ME2: variants seen among roughly 807,000 people sequenced by gnomAD.
ME2 encodes the protein NAD-dependent malic enzyme, mitochondrial.
A neutral mutation model predicts 73.7 loss-of-function variants in ME2; 60 were observed. The ratio of observed to expected loss-of-function variants is 0.81; its 90% confidence interval spans 0.66 to 1.01. ME2 has a LOEUF of 1.01. Ranked by LOEUF, ME2 falls within the 50% of genes least tolerant of loss-of-function variation. The pLI is 0.00. For synonymous variants in ME2, 199 were observed against 236.9 expected, an observed-to-expected ratio of 0.84 and a Z score of 1.47; for missense variants, 594 against 705.5, an observed-to-expected ratio of 0.84 and a Z score of 1.79.
intron 1 of ME2, among the ~76,000 whole-genome samples, chr18:50,891,935 G>A (rs1916614588): frequency 6.6e-6 from 1 of 150,862 alleles, no homozygotes; most frequent in Admixed American, 6.6e-5. Flanking sequence ...AACTTAGCTA[G>A]TACCACAGGT....
chr18:50,881,976 C>G (rs1916335285), intron 1 of ME2, among the ~76,000 whole-genome samples: 1 of 152,150 alleles, frequency 6.6e-6, no homozygotes, highest in Non-Finnish European at 1.5e-5. Flanking sequence ...ACAGAGCTAG[C>G]AAATGGCAAA....
rs370224149 is a variant in ME2, at chr18:50,920,442, T to G, written c.735-14T>G. On this transcript the variant is annotated splice_polypyrimidine_tract_variant and intron_variant, in intron 7 of 15. Coordinates refer to ENST00000321341, the MANE Select transcript of ME2 (RefSeq NM_002396.5). ...TATTTTCAACACAACTATTGTGGGT[T>G]TTGCTGTTTTTAGATATGGCCGGAA... 95 of 1,543,616 alleles carry G rather than the reference T, an allele frequency of 6.2e-5. No individual in the cohort carries two copies. The African/African-American group carries it at 9.7e-4, about 16-fold the overall frequency.
rs1199518362 is a variant in ME2, at chr18:50,952,755, G to A, written c.*5571G>A. On this transcript the variant is annotated 3_prime_UTR_variant, in exon 16 of 16. Transcript: ENST00000321341. ...TAAGTATATATTCAAGCAAATCGTT[G>A]ATTCCTATACAGCCATTGGATTATC... is the stretch of plus-strand genomic sequence containing the variant. 6.6e-6 allele frequency: 1 copy of A among 152,138 alleles called. No homozygotes were observed. The highest frequency in any genetic ancestry group is 1.5e-5 in the Non-Finnish European group (1 of 68,022). The allele number at this position is 152,138 out of a possible 1,614,324, so 9.4% of individuals were successfully genotyped here.
At chr18:50,902,330 A>C (rs1190659294) in intron 2 of ME2, among the ~76,000 whole-genome samples, 1 of 152,178 alleles carries the variant, frequency 6.6e-6, no homozygotes, top group African/African-American at 2.4e-5. Flanking sequence ...ATAAATTTAG[A>C]ATTTTCTTCT....
At chr18:50,912,353 A>C (rs1917176601) in intron 3 of ME2, among the ~76,000 whole-genome samples, 2 of 152,182 alleles carry the variant, frequency 1.3e-5, no homozygotes. Context: ...AACTCCTTGA[A>C]AATAGAGGTA....
At chr18:50,943,326 G>A (rs62095107) in intron 15 of ME2, among the ~76,000 whole-genome samples, 3,087 of 151,876 alleles carry the variant, frequency 0.02, 43 homozygotes, top group Non-Finnish European at 0.034. Context: ...TTGAGGCCGA[G>A]TTTTACTCTG....
chr18:50,903,431 T>C (rs1568163233), intron 2 of ME2, among the ~76,000 whole-genome samples: 8 of 152,188 alleles, frequency 5.3e-5, no homozygotes. Context: ...TCCATTTATC[T>C]TTGGCAATAA....
intron 2 of ME2, among the ~76,000 whole-genome samples, chr18:50,904,282 T>G (rs1335510232): frequency 6.6e-6 from 1 of 151,382 alleles, no homozygotes; most frequent in Non-Finnish European, 1.5e-5. Flanking sequence ...TTCTTCTGTT[T>G]TTTTTTTTTT....
Position 50,929,618 on chromosome 18 carries a change from A to G in ME2, c.1315-2640A>G, listed in dbSNP as rs781483621. Among the ~76,000 whole-genome samples the G allele has an allele frequency of 1.4e-4, 21 of 152,124 alleles. 1 individual carries two copies. The highest frequency in any genetic ancestry group is 9.8e-4 in the Admixed American group (15 of 15,270). ...TCATGACTGTTAGTTTCCAATTGAT[A>G]TAATAATTATTGAAATCTCTTCTTC... is the stretch of plus-strand genomic sequence containing the variant. On this transcript the variant is annotated intron_variant, in intron 12 of 15. Transcript: ENST00000321341.
chr18:50,941,300 G>A (rs115201242), intron 15 of ME2, among the ~76,000 whole-genome samples: 1,700 of 142,712 alleles, frequency 0.012, 58 homozygotes, highest in African/African-American at 0.043. Context: ...AAATAACAGC[G>A]TAATGAACAT....
chr18:50,943,716 G>T (rs1918016805), intron 15 of ME2, among the ~76,000 whole-genome samples: 1 of 152,188 alleles, frequency 6.6e-6, no homozygotes, highest in South Asian at 2.1e-4. Context: ...GGGGGAACAG[G>T]TAGGGAAATG....
At chr18:50,942,559 T>C (rs1309599823) in intron 15 of ME2, 1 of 219,932 alleles carries the variant, frequency 4.5e-6, no homozygotes, top group Non-Finnish European at 8.8e-6. Flanking sequence ...CCAATCACTA[T>C]CTCTCTTTAC....
rs1917060731 is a variant in ME2 at position 50,908,137 on chromosome 18, A to G, written c.183A>G (p.Gln61=). The change falls in exon 3 of 16, where the codon CAA becomes CAG. Residue 61 remains glutamine, a synonymous_variant. Transcript: ENST00000321341. ...TTCTACCTCCCAAAATAGAGACACA[A>G]GATATTCAAGCCTTACGATTTCATA... ...QGLLPPKIET[Q]DIQALRFHRN... is the part of the protein sequence containing the mutation. The G allele has an allele frequency of 6.2e-7, 1 of 1,607,932 alleles. No individual in the cohort carries two copies. The highest frequency in any genetic ancestry group is 8.5e-7 in the Non-Finnish European group (1 of 1,176,834).
chr18:50,920,154 A>G (rs1482545033), intron 7 of ME2, among the ~76,000 whole-genome samples: 1 of 152,170 alleles, frequency 6.6e-6, no homozygotes, highest in Non-Finnish European at 1.5e-5. Flanking sequence ...TATCAAATAT[A>G]TATTTTTTGA....
rs114230337 is a variant in ME2 at position 50,893,574 on chromosome 18, G to A, written c.-12-2235G>A. ...CTTGTGTTTGACTCAAAAAGTTTGT[G>A]TAGGCTCAGCTACTGGTTATTTTTC... On this transcript the variant is annotated intron_variant, in intron 1 of 15. Coordinates refer to ENST00000321341, the MANE Select transcript of ME2 (RefSeq NM_002396.5). Among the ~76,000 whole-genome samples, 392 of 152,330 alleles carry A rather than the reference G, an allele frequency of 2.6e-3. 1 individual carries two copies. Among genetic ancestry groups the A allele is most frequent in the African/African-American group, 8.8e-3 (365 of 41,574 alleles).
chr18:50,901,317 A>T (rs983580948), intron 2 of ME2, among the ~76,000 whole-genome samples: 1 of 152,208 alleles, frequency 6.6e-6, no homozygotes, highest in Non-Finnish European at 1.5e-5. Flanking sequence ...AACGTAAATC[A>T]GTATTAAAGA....
At chr18:50,926,114 T>C (rs1917546649) in intron 12 of ME2, among the ~76,000 whole-genome samples, 1 of 152,202 alleles carries the variant, frequency 6.6e-6, no homozygotes, top group Non-Finnish European at 1.5e-5. Context: ...TGCACTATTG[T>C]TGTGAATTTT....
In ME2 at chr18:50,954,169, T is replaced by A. The variant is rs1048227327; in HGVS notation, c.*6985T>A. ...AAGAATCAGTCTAAAAACTTCAGAA[T>A]TATGTGAATTATTTTTTCTCTGTTG... is the stretch of plus-strand genomic sequence containing the variant. On this transcript the variant is annotated 3_prime_UTR_variant, in exon 16 of 16. Coordinates refer to ENST00000321341, the MANE Select transcript of ME2 (RefSeq NM_002396.5). The A allele has an allele frequency of 1.3e-5, 2 of 152,252 alleles. No individual in the cohort carries two copies. Among genetic ancestry groups the A allele is most frequent in the African/African-American group, 4.8e-5 (2 of 41,472 alleles). The allele number at this position is 152,252 out of a possible 1,614,324, so 9.4% of individuals were successfully genotyped here.
At chr18:50,940,249 T>TGTTTG (rs746510485) in intron 14 of ME2, 39 bp from the exon 15 acceptor site, 1 of 1,409,412 alleles carries the variant, frequency 7.1e-7, no homozygotes, top group Non-Finnish European at 9.9e-7. Flanking sequence ...TATTCTGTTA[T>TGTTTG]TTAAACAAAC....
Sources: gnomAD v4.1 joint callset for allele counts (sites outside exome capture counted in the v4.1 genomes callset) on GRCh38, gnomAD v4.1.1 for gene constraint, MANE v1.5 for transcripts, NCBI Gene and HGNC (gene_info 2026-07-23, HGNC 2026-07-21) for gene names.